Variants in MND1 observed in about 807,000 individuals in gnomAD.
MND1 encodes the protein meiotic nuclear divisions 1, also known as meiotic nuclear division protein 1 homolog.
Under a neutral mutation model 35.1 loss-of-function variants are expected in MND1, and 28 were observed. That is an observed-to-expected ratio of 0.80 (90% CI 0.59 to 1.09). The LOEUF (loss-of-function observed/expected upper bound fraction) is 1.09, where lower values mean the gene tolerates loss of function less well. Among genes scored for constraint, MND1 ranks in the 50% least tolerant of loss-of-function variants. The pLI is 0.00. For synonymous variants in MND1, 69 were observed against 70.5 expected, an observed-to-expected ratio of 0.98 and a Z score of 0.11; for missense variants, 213 against 239.6, an observed-to-expected ratio of 0.89 and a Z score of 0.73.
At chr4:153,372,907 G>A (rs150977315) in intron 4 of MND1, among the ~76,000 whole-genome samples, 3 of 152,062 alleles carry the variant, frequency 2.0e-5, no homozygotes, top group Non-Finnish European at 2.9e-5. Context: ...AGGATTATGT[G>A]CCCTTGATGT....
intron 6 of MND1, among the ~76,000 whole-genome samples, chr4:153,407,479 A>T (rs1440580379): frequency 6.6e-6 from 1 of 152,104 alleles, no homozygotes; most frequent in Non-Finnish European, 1.5e-5. Flanking sequence ...AATAGAAAAT[A>T]ATAAGTGATG....
At chr4:153,364,706 G>A (rs59143303) in intron 4 of MND1, among the ~76,000 whole-genome samples, 45,180 of 151,688 alleles carry the variant, frequency 0.3, 7,271 homozygotes, top group African/African-American at 0.44. Context: ...AAAAGGAATG[G>A]AATTCCTTTT....
intron 4 of MND1, among the ~76,000 whole-genome samples, chr4:153,370,213 C>T (rs1773756832): frequency 1.3e-5 from 2 of 151,878 alleles, no homozygotes; most frequent in African/African-American, 4.8e-5. Context: ...ACCTAGGAGG[C>T]GGAGGTTGCA....
intron 4 of MND1, among the ~76,000 whole-genome samples, chr4:153,366,677 C>G (rs996420202): frequency 8.5e-5 from 13 of 152,140 alleles, no homozygotes; most frequent in African/African-American, 3.1e-4. Context: ...GTTACAAGTA[C>G]TAGGACATTA....
intron 1 of MND1, 71 bp downstream of exon 1, chr4:153,344,811 A>T: frequency 6.4e-7 from 1 of 1,571,784 alleles, no homozygotes; most frequent in South Asian, 1.2e-5. Context: ...CCTCGGCTGC[A>T]TGTGGATCCC....
intron 6 of MND1, 25 bp from the exon 7 acceptor site, chr4:153,408,945 AT>A: frequency 1.1e-6 from 1 of 931,364 alleles, no homozygotes; most frequent in Non-Finnish European, 1.4e-6. Flanking sequence ...AATACATTTC[AT>A]TTTATATATA....
intron 4 of MND1, among the ~76,000 whole-genome samples, chr4:153,385,044 C>G (rs890549104): frequency 2.6e-5 from 4 of 152,312 alleles, no homozygotes; most frequent in African/African-American, 9.6e-5. Flanking sequence ...ACATGCAAAG[C>G]AATACCTTAA....
chr4:153,352,942 G>A (rs946337407), intron 2 of MND1, among the ~76,000 whole-genome samples: 3 of 151,956 alleles, frequency 2.0e-5, no homozygotes, highest in African/African-American at 7.3e-5. Context: ...TGAGTTCTGA[G>A]GCTACTTCTT....
At chr4:153,396,988 C>A (rs1030475548) in intron 5 of MND1, among the ~76,000 whole-genome samples, 3 of 152,068 alleles carry the variant, frequency 2.0e-5, no homozygotes, top group Non-Finnish European at 4.4e-5. Context: ...CATATTAACT[C>A]CCATTTAGTT....
chr4:153,372,135 T>A (rs1316108552), intron 4 of MND1, among the ~76,000 whole-genome samples: 4 of 151,836 alleles, frequency 2.6e-5, no homozygotes, highest in Admixed American at 2.0e-4. Flanking sequence ...AACATCAAGA[T>A]CACAGATCAC....
chr4:153,408,138 C>T (rs941540815), intron 6 of MND1, among the ~76,000 whole-genome samples: 17 of 152,210 alleles, frequency 1.1e-4, no homozygotes, highest in African/African-American at 2.9e-4. Context: ...GGCATGGTGG[C>T]GCATGCGTGT....
At chr4:153,346,320 C>T (rs1022921666) in intron 1 of MND1, among the ~76,000 whole-genome samples, 3 of 152,092 alleles carry the variant, frequency 2.0e-5, no homozygotes, top group Non-Finnish European at 4.4e-5. Flanking sequence ...GTAGGAATTC[C>T]ATAACTTCTA....
At chr4:153,364,802 C>G (rs1579909760) in intron 4 of MND1, among the ~76,000 whole-genome samples, 1 of 152,182 alleles carries the variant, frequency 6.6e-6, no homozygotes, top group Admixed American at 6.5e-5. Flanking sequence ...GCCTCAAACT[C>G]CTGGGCATAA....
intron 2 of MND1, among the ~76,000 whole-genome samples, chr4:153,351,475 G>A (rs186445042): frequency 1.3e-5 from 2 of 151,948 alleles, no homozygotes; most frequent in Non-Finnish European, 2.9e-5. Flanking sequence ...GTTTTTTGAC[G>A]GAATTGAAAA....
At chr4:153,358,338 T>G (rs1773396984) in intron 3 of MND1, 136 bp from the exon 4 acceptor site, 3 of 651,284 alleles carry the variant, frequency 4.6e-6, no homozygotes, top group Non-Finnish European at 4.8e-6. Flanking sequence ...GTTGTGCATG[T>G]TGTTATTTTT....
intron 1 of MND1, among the ~76,000 whole-genome samples, chr4:153,345,764 A>C (rs1347653888): frequency 6.6e-6 from 1 of 152,264 alleles, no homozygotes; most frequent in East Asian, 1.9e-4. Context: ...ATAAATGATA[A>C]CGGCTTCTTT....
intron 2 of MND1, among the ~76,000 whole-genome samples, chr4:153,353,598 T>C (rs1281413124): frequency 1.3e-5 from 2 of 151,754 alleles, no homozygotes; most frequent in Non-Finnish European, 2.9e-5. Context: ...ATTTTCTTTA[T>C]AGTGCCCTTG....
chr4:153,348,898 TTATGTAAAC>T (rs896100559), intron 1 of MND1, among the ~76,000 whole-genome samples: 5 of 152,242 alleles, frequency 3.3e-5, no homozygotes, highest in Admixed American at 6.5e-5. Flanking sequence ...TTGTCTTCAC[TTATGTAAAC>T]TCACGTTTTC....
At chr4:153,361,586 T>A (rs1773493699) in intron 4 of MND1, 1 of 455,284 alleles carries the variant, frequency 2.2e-6, no homozygotes, top group Non-Finnish European at 4.4e-6. Context: ...ACGCCTGTAA[T>A]CCCAGCACTT....
Sources: gnomAD v4.1 joint callset for allele counts (sites outside exome capture counted in the v4.1 genomes callset) on GRCh38, gnomAD v4.1.1 for gene constraint, MANE v1.5 for transcripts, NCBI Gene and HGNC (gene_info 2026-07-23, HGNC 2026-07-21) for gene names.